The following AFG1L variants were observed in gnomAD, a reference collection of about 807,000 sequenced individuals.
The protein encoded by AFG1L is AFG1 like ATPase.
Under a neutral mutation model 62.2 loss-of-function variants are expected in AFG1L, and 53 were observed. The observed-to-expected ratio is 0.85, with a 90% CI of 0.68 to 1.07. The LOEUF (loss-of-function observed/expected upper bound fraction) is 1.07, where lower values mean the gene tolerates loss of function less well. Ranked by LOEUF, AFG1L falls within the 50% of genes least tolerant of loss-of-function variation. The pLI is 0.00. For synonymous variants in AFG1L, 228 were observed against 210.3 expected (o/e 1.08, Z -0.73); for missense variants, 555 against 590.5 (o/e 0.94, Z 0.62).
chr6:108,477,231 T>G lies in AFG1L; in HGVS notation c.1001T>G (p.Leu334Arg). ...PRILKVQGRE[L>R]RLNKACGTVA... Reference sequence around the variant, plus strand: ...ATTCTAAAAGTGCAAGGCAGAGAGCTGCGCCTGAATAAAGCCTGTGGAACC... The same window carrying G: ...ATTCTAAAAGTGCAAGGCAGAGAGCGGCGCCTGAATAAAGCCTGTGGAACC... Residue 334 changes from leucine (L) to arginine (R), a missense_variant, in exon 10 of 13, where the codon CTG (leucine) becomes CGG (arginine). Transcript: ENST00000368977. 6.2e-7 allele frequency: 1 copy of G among 1,609,544 alleles called. No individual in the cohort carries two copies. Among genetic ancestry groups the G allele is most frequent in the Non-Finnish European group, 8.5e-7 (1 of 1,177,054 alleles).
intron 1 of AFG1L, among the ~76,000 whole-genome samples, chr6:108,298,642 G>A (rs989227383): frequency 2.6e-5 from 4 of 152,110 alleles, no homozygotes; most frequent in Non-Finnish European, 5.9e-5. Context: ...TGAGAGAGCA[G>A]TTAGAGATGA....
intron 6 of AFG1L, among the ~76,000 whole-genome samples, chr6:108,376,205 TTTC>T (rs1179533965): frequency 6.6e-6 from 1 of 152,104 alleles, no homozygotes; most frequent in Non-Finnish European, 1.5e-5. Flanking sequence ...TCTCTCTCTT[TTTC>T]TTTTTTAATC....
At chr6:108,507,996 A>G (rs1275098895) in intron 10 of AFG1L, among the ~76,000 whole-genome samples, 1 of 152,168 alleles carries the variant, frequency 6.6e-6, no homozygotes, top group East Asian at 1.9e-4. Context: ...AAAATAATAA[A>G]AATAAAAGTA....
intron 8 of AFG1L, among the ~76,000 whole-genome samples, chr6:108,459,269 T>C (rs1772365845): frequency 6.6e-6 from 1 of 152,212 alleles, no homozygotes; most frequent in Non-Finnish European, 1.5e-5. Flanking sequence ...AAATTCTAGC[T>C]GTGCTAGCCT....
chr6:108,419,214 A>T (rs904211029), intron 7 of AFG1L, among the ~76,000 whole-genome samples: 2 of 152,174 alleles, frequency 1.3e-5, no homozygotes, highest in African/African-American at 4.8e-5. Context: ...TAATCTCCCC[A>T]GGGGAAATGT....
intron 10 of AFG1L, among the ~76,000 whole-genome samples, chr6:108,479,745 GA>G (rs2114822232): frequency 6.6e-6 from 1 of 152,186 alleles, no homozygotes; most frequent in East Asian, 1.9e-4. Context: ...ATTAAGTAAA[GA>G]TAAAAACACA....
chr6:108,361,943 T>C (rs1779550745), intron 5 of AFG1L, among the ~76,000 whole-genome samples: 1 of 152,218 alleles, frequency 6.6e-6, no homozygotes, highest in Admixed American at 6.5e-5. Context: ...GAATGTAAAC[T>C]TGAAGGCATG....
At chr6:108,400,757 A>G (rs1256027246) in intron 6 of AFG1L, among the ~76,000 whole-genome samples, 2 of 126,812 alleles carry the variant, frequency 1.6e-5, no homozygotes, top group African/African-American at 6.1e-5. Flanking sequence ...GATATTATAT[A>G]TGTTATATAT....
At chr6:108,398,886 C>A (rs569578505) in intron 6 of AFG1L, among the ~76,000 whole-genome samples, 1 of 152,218 alleles carries the variant, frequency 6.6e-6, no homozygotes, top group East Asian at 1.9e-4. Context: ...ATTGTGATTT[C>A]TGCAGTTTTG....
At chr6:108,472,719 G>A (rs1452057134) in intron 8 of AFG1L, among the ~76,000 whole-genome samples, 2 of 145,180 alleles carry the variant, frequency 1.4e-5, no homozygotes, top group Non-Finnish European at 3.0e-5. Flanking sequence ...TCGCTCCGTC[G>A]CCCAGGCTGG....
intron 1 of AFG1L, among the ~76,000 whole-genome samples, chr6:108,316,147 C>T (rs1004059508): frequency 5.3e-5 from 8 of 151,492 alleles, no homozygotes; most frequent in Admixed American, 2.0e-4. Context: ...TTTGCGAGGC[C>T]GAGGCGGGCG....
In AFG1L at chr6:108,524,351, TAGAC is replaced by T. The variant is rs1254777775; in HGVS notation, c.*1931_*1934del. On this transcript the variant is annotated 3_prime_UTR_variant, in exon 13 of 13. Transcript: ENST00000368977. ...ACAGATAGATGGACAGTATGACCGA[TAGAC>T]AGACCTGTCCCTGAGTGTGAGTGTA... The T allele has an allele frequency of 2.6e-5, 4 of 152,200 alleles. No individual in the cohort carries two copies. The highest frequency in any genetic ancestry group is 2.0e-4 in the Admixed American group (3 of 15,276). The allele number at this position is 152,200 out of a possible 1,614,324, so 9.4% of individuals were successfully genotyped here. A position where few individuals can be genotyped will look rare whatever the true frequency, so the allele number is the denominator to read the frequency against.
intron 3 of AFG1L, among the ~76,000 whole-genome samples, chr6:108,349,210 A>G: frequency 6.6e-6 from 1 of 152,316 alleles, no homozygotes; most frequent in Non-Finnish European, 1.5e-5. Context: ...TCGGCCAGGC[A>G]TGGTGGCTCA....
intron 7 of AFG1L, among the ~76,000 whole-genome samples, chr6:108,404,574 TA>T (rs1016336791): frequency 1.3e-5 from 2 of 152,094 alleles, no homozygotes; most frequent in Non-Finnish European, 2.9e-5. Context: ...TTTATTCTCA[TA>T]TTTTTTTTCC....
At chr6:108,393,121 G>C (rs1781131188) in intron 6 of AFG1L, among the ~76,000 whole-genome samples, 2 of 151,952 alleles carry the variant, frequency 1.3e-5, no homozygotes, top group African/African-American at 2.4e-5. Flanking sequence ...ATTTCACTCT[G>C]TTTAGAGATC....
chr6:108,510,682 C>T (rs1236418320), intron 11 of AFG1L, among the ~76,000 whole-genome samples: 1 of 152,358 alleles, frequency 6.6e-6, no homozygotes, highest in Non-Finnish European at 1.5e-5. Context: ...TTCTACCAGA[C>T]AGCTTATGCG....
At chr6:108,369,591 C>T (rs113271159) in intron 6 of AFG1L, among the ~76,000 whole-genome samples, 25 of 151,776 alleles carry the variant, frequency 1.6e-4, no homozygotes, top group Admixed American at 1.1e-3. Context: ...CATCAAAATG[C>T]GTTCAACTTT....
intron 2 of AFG1L, among the ~76,000 whole-genome samples, chr6:108,330,908 A>G (rs1240220193): frequency 1.3e-5 from 2 of 152,334 alleles, no homozygotes; most frequent in East Asian, 3.9e-4. Context: ...ATTCTGTTAT[A>G]AGCGACAGAA....
intron 11 of AFG1L, among the ~76,000 whole-genome samples, chr6:108,511,098 A>G (rs1430544794): frequency 6.6e-6 from 1 of 151,312 alleles, no homozygotes. Flanking sequence ...TCAAAAAAAA[A>G]AAAAAAGAAG....
Sources: allele counts gnomAD v4.1 joint callset (sites outside exome capture counted in the v4.1 genomes callset), GRCh38; gene constraint gnomAD v4.1.1; transcripts MANE v1.5; gene names NCBI Gene and HGNC (gene_info 2026-07-23, HGNC 2026-07-21).